RPAP3: variants seen among roughly 807,000 people sequenced by gnomAD.
RPAP3 encodes RNA polymerase II-associated protein 3.
RPAP3 carries 58 observed loss-of-function variants against 88.8 expected under a neutral mutation model. That is an observed-to-expected ratio of 0.65 (90% CI 0.53 to 0.81). The LOEUF (loss-of-function observed/expected upper bound fraction) is 0.81. Ranked by LOEUF, RPAP3 falls within the 40% of genes least tolerant of loss-of-function variation. The pLI, the probability that RPAP3 is intolerant of heterozygous loss-of-function variation, is 0.00. For synonymous variants in RPAP3, 255 were observed against 259.9 expected (o/e 0.98, Z 0.18); for missense variants, 751 against 764.3 (o/e 0.98, Z 0.20).
At position 47,667,069 on chromosome 12, in the gene RPAP3, G is replaced by A. The variant is rs1592466713; in HGVS notation, c.1823C>T (p.Pro608Leu). The A allele has an allele frequency of 6.8e-7, 1 of 1,471,528 alleles. No individual in the cohort carries two copies. Among genetic ancestry groups the A allele is most frequent in the Non-Finnish European group, 9.1e-7 (1 of 1,102,746 alleles). The allele number at this position is 1,471,528 out of a possible 1,614,324, so 91.2% of individuals were successfully genotyped here. Reference protein sequence around the residue: ...LHDFYIEKEKPLLIFEILQRL... With the variant: ...LHDFYIEKEKLLLIFEILQRL... Reference sequence around the variant, plus strand: ...TTGTAAGATTTCAAAGATGAGTAATGGCTTTTCTTTCCTGAAATAATCCAA... The same window carrying A: ...TTGTAAGATTTCAAAGATGAGTAATAGCTTTTCTTTCCTGAAATAATCCAA... The change falls in exon 16 of 17, where the codon CCA becomes CTA. Residue 608 changes from proline (P) to leucine (L), a missense_variant. Coordinates refer to ENST00000005386, the MANE Select transcript of RPAP3 (RefSeq NM_024604.3).
At chr12:47,674,611 C>T (rs1371271853) in intron 12 of RPAP3, among the ~76,000 whole-genome samples, 3 of 152,128 alleles carry the variant, frequency 2.0e-5, no homozygotes, top group African/African-American at 4.8e-5. Flanking sequence ...GCACAAGCTT[C>T]AGTAGCTGAT....
intron 12 of RPAP3, among the ~76,000 whole-genome samples, chr12:47,676,258 A>C (rs963826194): frequency 1.1e-4 from 17 of 152,242 alleles, no homozygotes; most frequent in Admixed American, 1.1e-3. Flanking sequence ...GTGTAGAAGG[A>C]AATTTATAAC....
intron 9 of RPAP3, among the ~76,000 whole-genome samples, 191 bp downstream of exon 9, chr12:47,686,587 CCT>C (rs559585557): frequency 1.1e-3 from 168 of 147,882 alleles, no homozygotes; most frequent in African/African-American, 3.6e-3. Context: ...CTACTTTTCC[CCT>C]CTCATTTCAC....
At chr12:47,686,431 A>G (rs1939321767) in intron 9 of RPAP3, among the ~76,000 whole-genome samples, 1 of 152,116 alleles carries the variant, frequency 6.6e-6, no homozygotes, top group Admixed American at 6.6e-5. Flanking sequence ...AAAACTGGTA[A>G]ACTGTGTAAT....
chr12:47,696,479 G>A, intron 4 of RPAP3, 76 bp from the exon 5 acceptor site: 1 of 1,010,584 alleles, frequency 9.9e-7, no homozygotes, highest in Non-Finnish European at 1.4e-6. Context: ...AACGACCCAG[G>A]TTTGAAGTGC....
At chr12:47,667,346 T>C (rs1230066804) in intron 15 of RPAP3, among the ~76,000 whole-genome samples, 1 of 152,198 alleles carries the variant, frequency 6.6e-6, no homozygotes, top group Non-Finnish European at 1.5e-5. Flanking sequence ...ACAAAAAAAT[T>C]AGAGTCCTTT....
At chr12:47,693,899 T>C (rs918769505) in intron 5 of RPAP3, among the ~76,000 whole-genome samples, 1 of 152,144 alleles carries the variant, frequency 6.6e-6, no homozygotes, top group South Asian at 2.1e-4. Context: ...CAAACACAGA[T>C]GCAAAAAATT....
At chr12:47,676,294 G>A (rs760699521) in intron 12 of RPAP3, among the ~76,000 whole-genome samples, 1 of 152,066 alleles carries the variant, frequency 6.6e-6, no homozygotes, top group Non-Finnish European at 1.5e-5. Flanking sequence ...GAGAAACCAG[G>A]AAAAGATCTA....
chr12:47,684,318 T>C (rs1939281519), intron 9 of RPAP3, among the ~76,000 whole-genome samples: 1 of 152,192 alleles, frequency 6.6e-6, no homozygotes, highest in Non-Finnish European at 1.5e-5. Context: ...GAATTTCTTC[T>C]TACTCCCTAC....
In RPAP3 at chr12:47,666,963, A is replaced by C. The variant is rs767087215; in HGVS notation, c.1912+17T>G. 1 of 1,366,264 alleles carries C rather than the reference A, an allele frequency of 7.3e-7. No individual in the cohort carries two copies. The highest frequency in any genetic ancestry group is 1.0e-6 in the Non-Finnish European group (1 of 1,004,848). 84.6% of individuals were successfully genotyped at this position (1,366,264 alleles called of 1,614,324 possible). On this transcript the variant is annotated intron_variant, in intron 16 of 16. Coordinates refer to ENST00000005386, the MANE Select transcript of RPAP3 (RefSeq NM_024604.3). ...AATGTACAAAAATAAACATGGGAAA[A>C]CTTTCATAGAACTTACTCTTTTTCT...
At chr12:47,675,052 G>A (rs1364269491) in intron 12 of RPAP3, among the ~76,000 whole-genome samples, 1 of 152,204 alleles carries the variant, frequency 6.6e-6, no homozygotes, top group Admixed American at 6.5e-5. Context: ...AGATCTCTCA[G>A]CAGAAACCCT....
At chr12:47,691,022 C>A (rs1939417946) in intron 5 of RPAP3, among the ~76,000 whole-genome samples, 2 of 151,994 alleles carry the variant, frequency 1.3e-5, no homozygotes, top group African/African-American at 4.8e-5. Context: ...AAATCTGAGT[C>A]TTTAGTGAAT....
At position 47,687,859 on chromosome 12, in the gene RPAP3, G is replaced by C; in HGVS notation, c.864+17C>G. On this transcript the variant is annotated intron_variant, in intron 8 of 16. Coordinates refer to ENST00000005386, the MANE Select transcript of RPAP3 (RefSeq NM_024604.3). ...AGCAAAACATATACATTGTACGTTG[G>C]AATAGCTTTGGATTACCCGATCTTT... 6.2e-7 allele frequency: 1 copy of C among 1,610,500 alleles called. No homozygotes were observed. Among genetic ancestry groups the C allele is most frequent in the Non-Finnish European group, 8.5e-7 (1 of 1,178,248 alleles).
chr12:47,695,838 C>G (rs953309984), intron 5 of RPAP3: 3 of 152,436 alleles, frequency 2.0e-5, no homozygotes, highest in Non-Finnish European at 2.9e-5. Flanking sequence ...CATTTATATT[C>G]TTCCACATTA....
At chr12:47,697,470 G>C (rs1183374850) in intron 4 of RPAP3, 127 bp downstream of exon 4, 9 of 781,670 alleles carry the variant, frequency 1.2e-5, no homozygotes, top group Non-Finnish European at 1.6e-5. Flanking sequence ...CTCCAGAGAG[G>C]GATGTAGCCA....
intron 12 of RPAP3, among the ~76,000 whole-genome samples, chr12:47,675,248 C>T (rs1050994528): frequency 1.3e-5 from 2 of 152,122 alleles, no homozygotes; most frequent in African/African-American, 4.8e-5. Flanking sequence ...CTGAAGGAAG[C>T]ACTAAACATG....
At chr12:47,688,208 A>AT (rs1939362982) in intron 7 of RPAP3, among the ~76,000 whole-genome samples, 1 of 152,204 alleles carries the variant, frequency 6.6e-6, no homozygotes, top group African/African-American at 2.4e-5. Context: ...TGTGCTTCTC[A>AT]TTTCAATTAA....
chr12:47,690,327 A>C (rs1939404934), intron 6 of RPAP3, among the ~76,000 whole-genome samples, 191 bp downstream of exon 6: 1 of 152,220 alleles, frequency 6.6e-6, no homozygotes, highest in African/African-American at 2.4e-5. Flanking sequence ...AATTTGAACC[A>C]AATTCTGATT....
chr12:47,690,666 TA>T, intron 5 of RPAP3, 27 bp from the exon 6 acceptor site: 1 of 1,392,950 alleles, frequency 7.2e-7, no homozygotes. Flanking sequence ...TTAAAATAAA[TA>T]AAGTTAATAA....
Sources: gnomAD v4.1 joint callset for allele counts (sites outside exome capture counted in the v4.1 genomes callset) on GRCh38, gnomAD v4.1.1 for gene constraint, MANE v1.5 for transcripts, NCBI Gene and HGNC (gene_info 2026-07-23, HGNC 2026-07-21) for gene names.